Variants in DUSP15 observed in about 807,000 individuals in gnomAD.
DUSP15 encodes dual specificity phosphatase 15, also known as dual specificity protein phosphatase 15.
Under a neutral mutation model 26.3 loss-of-function variants are expected in DUSP15, and 23 were observed. That is an observed-to-expected ratio of 0.87 (90% CI 0.63 to 1.24). DUSP15 has a LOEUF of 1.24. Among genes scored for constraint, DUSP15 ranks in the 50% most tolerant of loss-of-function variants. DUSP15 has a pLI of 0.00. For missense variants in DUSP15, 364 were observed against 320.6 expected (o/e 1.14, Z -1.03); for synonymous variants, 143 against 135.5 (o/e 1.06, Z -0.39).
At chr20:31,848,649 A>G in intron 9 of DUSP15, 1 of 1,469,156 alleles carries the variant, frequency 6.8e-7, no homozygotes, top group Non-Finnish European at 9.0e-7. Context: ...CCCTAGTTAC[A>G]GCCCCATCCC....
intron 2 of DUSP15, among the ~76,000 whole-genome samples, chr20:31,867,457 G>A (rs1280356308): frequency 6.6e-6 from 1 of 152,200 alleles, no homozygotes; most frequent in African/African-American, 2.4e-5. Context: ...AGAAAGCTGT[G>A]TGTGGAGGAT....
rs1431953139 is a variant in DUSP15, at chr20:31,848,550, GA to G, written c.741del (p.Arg248GlyfsTer9). 1 of 1,576,964 alleles carries G rather than the reference GA, an allele frequency of 6.3e-7. No homozygotes were observed. The highest frequency in any genetic ancestry group is 8.6e-7 in the Non-Finnish European group (1 of 1,162,870). ...AGAGTGCAGGACGAGCTCCCAGGCC[GA>G]AGCTGCACCTGCACCTGCGGGGGCG... On this transcript the variant is annotated frameshift_variant, in exon 10 of 10. Coordinates refer to the DUSP15 transcript ENST00000278979. LOFTEE classifies it low-confidence loss of function (END_TRUNC).
downstream of DUSP15, among the ~76,000 whole-genome samples, chr20:31,846,761 C>A (rs933172967): frequency 1.3e-5 from 2 of 152,172 alleles, no homozygotes; most frequent in African/African-American, 4.8e-5. Flanking sequence ...GGACAGCTAT[C>A]TGGGGAGAGA....
At position 31,861,566 on chromosome 20, in the gene DUSP15, G is replaced by A. The variant is rs921098043; in HGVS notation, c.545C>T (p.Ser182Leu). 2.7e-6 allele frequency: 4 copies of A among 1,500,666 alleles called. No individual in the cohort carries two copies. In the African/African-American group the frequency reaches 4.3e-5, roughly 16 times the overall value. 93.0% of individuals were successfully genotyped at this position (1,500,666 alleles called of 1,614,324 possible). The change falls in exon 7 of 7, where the codon TCG (serine) becomes TTG (leucine). Residue 182 changes from serine (S) to leucine (L), a missense_variant. Physicochemically the swap from Ser to Leu is moderately radical, Grantham distance 145 (BLOSUM62 -2). Coordinates refer to ENST00000339738, the MANE Select transcript of DUSP15 (RefSeq NM_080611.5). ...TGAGTGCGGCCCGGCGGAGGAGGCC[G>A]AGGTCGCGGAGCCCTGCCGGCAGCG... ...CKRCRQGSAT[S>L]ASSAGPHSAA...
At chr20:31,861,754 C>A (rs1251101548) in intron 6 of DUSP15, 79 bp from the exon 7 acceptor site, 3 of 1,193,888 alleles carry the variant, frequency 2.5e-6, no homozygotes, top group Non-Finnish European at 3.3e-6. Flanking sequence ...CCCCCACCCT[C>A]CCGACCTTCG....
At chr20:31,862,803 G>A (rs2062689685) in intron 5 of DUSP15, 61 bp from the exon 6 acceptor site, 6 of 1,494,208 alleles carry the variant, frequency 4.0e-6, no homozygotes, top group African/African-American at 2.8e-5. Flanking sequence ...ATGCCCCCAG[G>A]CACCCCACCC....
At chr20:31,869,747 G>C (rs1165100155) in intron 1 of DUSP15, 150 bp from the exon 2 acceptor site, 1 of 1,490,124 alleles carries the variant, frequency 6.7e-7, no homozygotes. Context: ...TGTGGGCCCT[G>C]AGTCCTCTGT....
At chr20:31,846,358 G>A (rs2062377855), downstream of DUSP15, among the ~76,000 whole-genome samples, 1 of 150,622 alleles carries the variant, frequency 6.6e-6, no homozygotes, top group African/African-American at 2.5e-5. Context: ...CACTGAGCAG[G>A]CAGAAACAAG....
chr20:31,852,012 T>C (rs1188267229), intron 6 of DUSP15, among the ~76,000 whole-genome samples: 3 of 149,794 alleles, frequency 2.0e-5, no homozygotes, highest in African/African-American at 4.9e-5. Flanking sequence ...TTCTTTCTTT[T>C]TTTTTTTTTT....
intron 6 of DUSP15, among the ~76,000 whole-genome samples, chr20:31,855,400 A>G (rs1283982163): frequency 1.1e-4 from 16 of 152,256 alleles, no homozygotes; most frequent in East Asian, 1.9e-4. Context: ...GACAGGATCT[A>G]TGAATAATGA....
chr20:31,847,207 G>A (rs376107946), downstream of DUSP15, among the ~76,000 whole-genome samples: 1 of 152,216 alleles, frequency 6.6e-6, no homozygotes, highest in East Asian at 1.9e-4. Context: ...GAGGCTCAGA[G>A]AAGGTAAGTA....
Position 31,863,962 on chromosome 20 carries a change from A to C in DUSP15, c.208T>G (p.Cys70Gly), listed in dbSNP as rs767671616. 55 of 1,613,886 alleles carry C rather than the reference A, an allele frequency of 3.4e-5. No homozygotes were observed. Among genetic ancestry groups the C allele is most frequent in the Non-Finnish European group, 4.6e-5 (54 of 1,179,964 alleles). Residue 70 changes from cysteine to glycine, a missense_variant, in exon 5 of 7, where the codon TGT becomes GGT. Coordinates refer to ENST00000339738, the MANE Select transcript of DUSP15 (RefSeq NM_080611.5). Reference protein sequence around the residue: ...EVPIKKHFKECINFIHCCRLN... With the variant: ...EVPIKKHFKEGINFIHCCRLN... ...CGGCAGCAGTGGATGAAGTTGATAC[A>C]TTCTTTGAAGTGCTTTTTGCTAGAG...
At chr20:31,860,318 G>A (rs1203860899), downstream of DUSP15, among the ~76,000 whole-genome samples, 3 of 152,202 alleles carry the variant, frequency 2.0e-5, no homozygotes, top group East Asian at 1.9e-4. Context: ...AACCCCATAC[G>A]AGTGGCTTAT....
chr20:31,850,558 G>A (rs548234194), intron 7 of DUSP15: 127 of 1,560,678 alleles, frequency 8.1e-5, no homozygotes, highest in Non-Finnish European at 1.0e-4. Context: ...CCCACCCCGC[G>A]GCCGTCCCCA....
chr20:31,854,349 A>C (rs2062524897), intron 6 of DUSP15, among the ~76,000 whole-genome samples: 1 of 152,226 alleles, frequency 6.6e-6, no homozygotes, highest in African/African-American at 2.4e-5. Flanking sequence ...AATACCACCT[A>C]ACCTCGTGAG....
downstream of DUSP15, among the ~76,000 whole-genome samples, chr20:31,846,096 A>C (rs1384455769): frequency 1.5e-5 from 2 of 137,750 alleles, no homozygotes; most frequent in Non-Finnish European, 3.0e-5. Context: ...AGACACACAG[A>C]CATACACGTA....
intron 3 of DUSP15, 82 bp downstream of exon 3, chr20:31,866,989 C>A: frequency 7.6e-7 from 1 of 1,313,710 alleles, no homozygotes; most frequent in Non-Finnish European, 1.1e-6. Context: ...GGAAGCATAG[C>A]ACCTAGCACA....
rs149707753 is a variant in DUSP15 at position 31,864,454 on chromosome 20, C to A, written c.189-473G>T. Reference sequence around the variant, plus strand: ...TACTGCTGATGCCACAAACAAAAATCCCGTTTTCTGAGCTCAGTTATACTC... The same window carrying A: ...TACTGCTGATGCCACAAACAAAAATACCGTTTTCTGAGCTCAGTTATACTC... On this transcript the variant is annotated intron_variant, in intron 4 of 6. Coordinates refer to ENST00000339738, the MANE Select transcript of DUSP15 (RefSeq NM_080611.5). 8 of 1,036,464 alleles carry A rather than the reference C, an allele frequency of 7.7e-6. No homozygotes were observed. The East Asian group carries it at 7.2e-4, about 94-fold the overall frequency. 64.2% of individuals were successfully genotyped at this position (1,036,464 alleles called of 1,614,324 possible). A position where few individuals can be genotyped will look rare whatever the true frequency, so the allele number is the denominator to read the frequency against.
At chr20:31,848,748 G>A in intron 9 of DUSP15, 2 of 1,544,476 alleles carry the variant, frequency 1.3e-6, no homozygotes, top group South Asian at 1.2e-5. Flanking sequence ...TGTGGGAAGG[G>A]CTGTCTGGAG....
Sources: gnomAD v4.1 joint callset for allele counts (sites outside exome capture counted in the v4.1 genomes callset) on GRCh38, gnomAD v4.1.1 for gene constraint, MANE v1.5 for transcripts, NCBI Gene and HGNC (gene_info 2026-07-23, HGNC 2026-07-21) for gene names.